USP18: variants seen among roughly 807,000 people sequenced by gnomAD.
USP18 encodes ubiquitin specific peptidase 18.
A neutral mutation model predicts 48.7 loss-of-function variants in USP18; 11 were observed. The observed-to-expected ratio is 0.23, with a 90% CI of 0.14 to 0.37. The LOEUF (loss-of-function observed/expected upper bound fraction) is 0.37, where lower values mean the gene tolerates loss of function less well. Ranked by LOEUF, USP18 falls within the 10% of genes least tolerant of loss-of-function variation. USP18 has a pLI of 1.00. For missense variants in USP18, 285 were observed against 436.4 expected, an observed-to-expected ratio of 0.65 and a Z score of 3.09; for synonymous variants, 114 against 163.2, an observed-to-expected ratio of 0.70 and a Z score of 2.30.
intron 8 of USP18, among the ~76,000 whole-genome samples, chr22:18,172,030 G>C (rs943211879): frequency 9.2e-5 from 14 of 152,024 alleles, no homozygotes; most frequent in African/African-American, 2.7e-4. Context: ...CAGCTCTTTG[G>C]GAGGCCAAGA....
intron 1 of USP18, among the ~76,000 whole-genome samples, chr22:18,155,385 G>A (rs959209217): frequency 7.9e-5 from 12 of 152,348 alleles, no homozygotes; most frequent in African/African-American, 1.4e-4. Flanking sequence ...GCCCTCGCTC[G>A]CTCTCGGTGC....
rs1463107388 is a variant in USP18 at position 18,170,743 on chromosome 22, G to C, written c.724-10G>C. The C allele has an allele frequency of 2.5e-6, 4 of 1,608,372 alleles. No individual in the cohort carries two copies. In the Admixed American group the frequency reaches 6.7e-5, roughly 27 times the overall value. Reference sequence around the variant, plus strand: ...TAGACTTCATCTCCAGAGTGATTTTGATTTTTCAGGTCTTGAAGCTGACCC... The same window carrying C: ...TAGACTTCATCTCCAGAGTGATTTTCATTTTTCAGGTCTTGAAGCTGACCC... On this transcript the variant is annotated splice_polypyrimidine_tract_variant and intron_variant, in intron 7 of 10. Coordinates refer to ENST00000215794, the MANE Select transcript of USP18 (RefSeq NM_017414.4).
intron 2 of USP18, among the ~76,000 whole-genome samples, chr22:18,159,592 G>A (rs182043764): frequency 1.9e-3 from 294 of 151,546 alleles, no homozygotes; most frequent in African/African-American, 6.5e-3. Flanking sequence ...CTGCCTCCTG[G>A]GTTCAAGCAA....
intron 5 of USP18, 102 bp downstream of exon 5, chr22:18,167,436 C>G (rs1414344897): frequency 7.3e-7 from 1 of 1,367,914 alleles, no homozygotes; most frequent in East Asian, 2.4e-5. Flanking sequence ...AGAGTTAATC[C>G]CCTGTAATCC....
Position 18,173,063 on chromosome 22 carries a change from G to A in USP18, c.892-87G>A, listed in dbSNP as rs1289666634. Reference sequence around the variant, plus strand: ...TTTTCTAATATTCTAAAGTCCCAGAGTCGGGCCTAGTGTGGGCAGGTATAA... The same window carrying A: ...TTTTCTAATATTCTAAAGTCCCAGAATCGGGCCTAGTGTGGGCAGGTATAA... On this transcript the variant is annotated intron_variant, in intron 8 of 10. Coordinates refer to ENST00000215794, the MANE Select transcript of USP18 (RefSeq NM_017414.4). 10 of 1,595,242 alleles carry A rather than the reference G, an allele frequency of 6.3e-6. No homozygotes were observed. The East Asian group carries it at 2.3e-4, about 36-fold the overall frequency.
At chr22:18,150,803 T>G (rs1928977761) in intron 1 of USP18, among the ~76,000 whole-genome samples, 1 of 152,142 alleles carries the variant, frequency 6.6e-6, no homozygotes, top group Admixed American at 6.6e-5. Flanking sequence ...AAATACAAAA[T>G]TAGCCTGGCG....
At chr22:18,155,602 CG>C (rs1320472899) in intron 1 of USP18, among the ~76,000 whole-genome samples, 1 of 152,048 alleles carries the variant, frequency 6.6e-6, no homozygotes, top group Non-Finnish European at 1.5e-5. Flanking sequence ...GTGGGCTCGG[CG>C]GGCCCGCACT....
intron 6 of USP18, among the ~76,000 whole-genome samples, chr22:18,169,129 TCTC>T (rs61626517): frequency 0.4 from 61,197 of 151,674 alleles, 13,382 homozygotes; most frequent in African/African-American, 0.58. Context: ...TGCCCAAAAA[TCTC>T]CTGTTCAATT....
chr22:18,153,775 CTTT>C (rs1929059298), intron 1 of USP18, among the ~76,000 whole-genome samples: 1 of 152,022 alleles, frequency 6.6e-6, no homozygotes, highest in South Asian at 2.1e-4. Flanking sequence ...AGGAGATAAG[CTTT>C]TTGAGCTTTC....
chr22:18,160,079 A>T, intron 2 of USP18, 93 bp from the exon 3 acceptor site: 1 of 1,220,904 alleles, frequency 8.2e-7, no homozygotes, highest in Non-Finnish European at 1.2e-6. Flanking sequence ...CTCCCAAAGT[A>T]CTGGAATTAC....
At position 18,169,921 on chromosome 22, in the gene USP18, G is replaced by C. The variant is rs370090639; in HGVS notation, c.705G>C (p.Lys235Asn). The change falls in exon 7 of 11, where the codon AAG becomes AAC. Residue 235 changes from lysine (K) to asparagine (N), a missense_variant. Coordinates refer to ENST00000215794, the MANE Select transcript of USP18 (RefSeq NM_017414.4). ...KSKCFCENCG[K>N]KTRGKQVLKL... ...AGTGCTTCTGTGAGAACTGTGGGAA[G>C]AAGACCCGTGGGAAACAGGTACTCA... The C allele has an allele frequency of 1.5e-5, 24 of 1,603,542 alleles. No individual in the cohort carries two copies. The highest frequency in any genetic ancestry group is 1.8e-5 in the Non-Finnish European group (21 of 1,174,452).
rs186307256 is a variant in USP18 at position 18,150,678 on chromosome 22, T to A, written c.-107+456T>A. Reference sequence around the variant, plus strand: ...TGGCATTAAAAATAAAACAAAAAACTGATTCGGCCGGGTACGGTGGCTCAC... The same window carrying A: ...TGGCATTAAAAATAAAACAAAAAACAGATTCGGCCGGGTACGGTGGCTCAC... On this transcript the variant is annotated intron_variant, in intron 1 of 10. Coordinates refer to ENST00000215794, the MANE Select transcript of USP18 (RefSeq NM_017414.4). Among the ~76,000 whole-genome samples, 57 of 152,336 alleles carry A rather than the reference T, an allele frequency of 3.7e-4. 1 individual carries two copies. The highest frequency in any genetic ancestry group is 1.7e-3 in the Admixed American group (26 of 15,302).
intron 7 of USP18, among the ~76,000 whole-genome samples, chr22:18,170,240 G>A (rs1416627817): frequency 6.6e-6 from 1 of 151,664 alleles, no homozygotes; most frequent in Non-Finnish European, 1.5e-5. Context: ...CTGTTCAGGG[G>A]TCATCTGTCC....
chr22:18,167,662 C>T lies in USP18; in HGVS notation c.481-228C>T, dbSNP rs556945213. Among the ~76,000 whole-genome samples the T allele has an allele frequency of 5.2e-3, 749 of 144,304 alleles. 7 individuals carry two copies. Among genetic ancestry groups the T allele is most frequent in the African/African-American group, 0.019 (717 of 38,640 alleles). 94.7% of individuals were successfully genotyped at this position (144,304 alleles called of 152,430 possible). On this transcript the variant is annotated intron_variant, in intron 5 of 10. Transcript: ENST00000215794. Reference sequence around the variant, plus strand: ...GCAGTGAGCCGAGATCGCGCCACTGCACTCCAGCCTGGGTGACAGAGCGAG... The same window carrying T: ...GCAGTGAGCCGAGATCGCGCCACTGTACTCCAGCCTGGGTGACAGAGCGAG...
At chr22:18,159,732 G>C (rs1362183177) in intron 2 of USP18, among the ~76,000 whole-genome samples, 2 of 145,218 alleles carry the variant, frequency 1.4e-5, no homozygotes, top group African/African-American at 5.2e-5. Flanking sequence ...CTGGAGTGCA[G>C]TGGCGTGATC....
intron 1 of USP18, among the ~76,000 whole-genome samples, chr22:18,155,609 G>A (rs573181406): frequency 4.6e-5 from 7 of 152,058 alleles, no homozygotes; most frequent in South Asian, 2.1e-4. Flanking sequence ...CGGCGGGCCC[G>A]CACTCGGAGC....
At position 18,160,215 on chromosome 22, in the gene USP18, C is replaced by G; in HGVS notation, c.201C>G (p.Asn67Lys). Residue 67 changes from asparagine (N) to lysine (K), a missense_variant, in exon 3 of 11, where the codon AAC becomes AAG. By Grantham distance (94) the Asn-to-Lys change is moderately conservative (BLOSUM62 0). Transcript: ENST00000215794. ...LHNIGQTCCL[N>K]SLIQVFVMNV... ...ACATTGGACAGACCTGCTGCCTTAA[C>G]TCCTTGATTCAGGTGTTCGTAATGA... 6.2e-7 allele frequency: 1 copy of G among 1,614,238 alleles called. No individual in the cohort carries two copies. Among genetic ancestry groups the G allele is most frequent in the Non-Finnish European group, 8.5e-7 (1 of 1,180,034 alleles).
In USP18 at chr22:18,157,474, C is replaced by T. The variant is rs550003323; in HGVS notation, c.-106-84C>T. On this transcript the variant is annotated intron_variant, in intron 1 of 10. Transcript: ENST00000215794. ...CCCAAACATTTATCTCCCTCTAAGA[C>T]CTGCTCTTTGGCATCAGAACGGATT... The T allele has an allele frequency of 5.5e-5, 39 of 714,014 alleles. No homozygotes were observed. The East Asian group carries it at 7.7e-4, about 14-fold the overall frequency. 44.2% of individuals were successfully genotyped at this position (714,014 alleles called of 1,614,324 possible). A position where few individuals can be genotyped will look rare whatever the true frequency, so the allele number is the denominator to read the frequency against.
intron 6 of USP18, among the ~76,000 whole-genome samples, chr22:18,168,892 G>A (rs1287698850): frequency 3.3e-5 from 5 of 152,088 alleles, no homozygotes; most frequent in Non-Finnish European, 7.4e-5. Flanking sequence ...CCTTTGTTTG[G>A]CAAAAATGTT....
Sources: allele counts gnomAD v4.1 joint callset (sites outside exome capture counted in the v4.1 genomes callset), GRCh38; gene constraint gnomAD v4.1.1; transcripts MANE v1.5; gene names NCBI Gene and HGNC (gene_info 2026-07-23, HGNC 2026-07-21).